The following EFR3A variants were observed in gnomAD, a reference collection of about 807,000 sequenced individuals.
EFR3A encodes EFR3 homolog A, also known as protein EFR3 homolog A.
Under a neutral mutation model 104.4 loss-of-function variants are expected in EFR3A, and 76 were observed. That is an observed-to-expected ratio of 0.73 (90% CI 0.60 to 0.88). The LOEUF is 0.88. Ranked by LOEUF, EFR3A falls within the 40% of genes least tolerant of loss-of-function variation. The pLI, the probability that EFR3A is intolerant of heterozygous loss-of-function variation, is 0.00. For missense variants in EFR3A, 985 were observed against 1,012.5 expected, an observed-to-expected ratio of 0.97 and a Z score of 0.37; for synonymous variants, 330 against 330.0, an observed-to-expected ratio of 1.00 and a Z score of 0.00.
chr8:131,953,988 G>C (rs767683861), intron 6 of EFR3A, 21 bp downstream of exon 6: 2 of 1,508,744 alleles, frequency 1.3e-6, no homozygotes, highest in East Asian at 4.9e-5. Flanking sequence ...AAATATTAGT[G>C]TTGAGACAGT....
intron 1 of EFR3A, among the ~76,000 whole-genome samples, chr8:131,908,262 G>A (rs926004735): frequency 3.3e-5 from 5 of 151,874 alleles, no homozygotes; most frequent in Non-Finnish European, 5.9e-5. Flanking sequence ...GGATTTCACC[G>A]TGTTAGCCAG....
At chr8:131,968,092 C>T (rs1819852415) in intron 8 of EFR3A, among the ~76,000 whole-genome samples, 1 of 151,828 alleles carries the variant, frequency 6.6e-6, no homozygotes, top group Non-Finnish European at 1.5e-5. Context: ...TGCTTTTTTT[C>T]ACTCAGAGTG....
At chr8:132,004,447 C>T (rs1318519028) in intron 22 of EFR3A, among the ~76,000 whole-genome samples, 1 of 152,152 alleles carries the variant, frequency 6.6e-6, no homozygotes, top group Non-Finnish European at 1.5e-5. Context: ...GTTGCATGCG[C>T]CTTATGGGAA....
chr8:131,909,482 G>A (rs149850373), intron 1 of EFR3A, among the ~76,000 whole-genome samples: 3,003 of 152,176 alleles, frequency 0.02, 46 homozygotes, highest in South Asian at 0.042. Flanking sequence ...GGAGGCTGAG[G>A]CTGCAGTGAG....
chr8:131,917,341 A>G (rs1269474805), intron 1 of EFR3A, among the ~76,000 whole-genome samples: 1 of 152,190 alleles, frequency 6.6e-6, no homozygotes, highest in Non-Finnish European at 1.5e-5. Context: ...GTTTCTCGGC[A>G]TCTACTTGGT....
Position 131,954,678 on chromosome 8 carries a change from ATAAAT to A in EFR3A, c.638+715_638+719del, listed in dbSNP as rs201699071. Among the ~76,000 whole-genome samples the A allele has an allele frequency of 6.5e-4, 98 of 150,172 alleles. No individual in the cohort carries two copies. The East Asian group carries it at 0.015, about 23-fold the overall frequency. Reference sequence around the variant, plus strand: ...ATATTTTAAATATTTAATATAAATAATAAATTAATATTTCAGAAGCAGTATTCTCC... The same window carrying A: ...ATATTTTAAATATTTAATATAAATAATAATATTTCAGAAGCAGTATTCTCC... On this transcript the variant is annotated intron_variant, in intron 6 of 22. Coordinates refer to ENST00000254624, the MANE Select transcript of EFR3A (RefSeq NM_015137.6).
At chr8:131,941,212 A>AT (rs1451181378) in intron 2 of EFR3A, among the ~76,000 whole-genome samples, 13 of 152,032 alleles carry the variant, frequency 8.6e-5, no homozygotes, top group Admixed American at 7.9e-4. Flanking sequence ...ATACTATTTA[A>AT]TTTTTGTATA....
At chr8:132,006,110 T>A (rs1210433560) in intron 22 of EFR3A, among the ~76,000 whole-genome samples, 1 of 152,194 alleles carries the variant, frequency 6.6e-6, no homozygotes, top group Admixed American at 6.5e-5. Flanking sequence ...AGCAATTTTA[T>A]ATCTTTAGAT....
In EFR3A at chr8:131,904,296, G is replaced by A; in HGVS notation, c.-17G>A. Reference sequence around the variant, plus strand: ...CCGCTGAGCCTCGGTGCGGCGGCGAGCGCGGTCGAGATCGCCATGCCTACC... The same window carrying A: ...CCGCTGAGCCTCGGTGCGGCGGCGAACGCGGTCGAGATCGCCATGCCTACC... On this transcript the variant is annotated 5_prime_UTR_variant, in exon 1 of 23. Transcript: ENST00000254624. 1 of 1,267,772 alleles carries A rather than the reference G, an allele frequency of 7.9e-7. No individual in the cohort carries two copies. Among genetic ancestry groups the A allele is most frequent in the South Asian group, 2.7e-5 (1 of 36,496 alleles). 78.5% of individuals were successfully genotyped at this position (1,267,772 alleles called of 1,614,324 possible).
chr8:131,991,767 A>C (rs78632849), intron 18 of EFR3A, among the ~76,000 whole-genome samples: 3,195 of 152,252 alleles, frequency 0.021, 54 homozygotes, highest in Middle Eastern at 0.044. Context: ...GAAAGTCTCA[A>C]GAAAGTGAAA....
chr8:131,904,104 C>A lies in EFR3A; in HGVS notation c.-209C>A, dbSNP rs1407623384. ...AACGGGCGTGGGTCGTCCGTCGCGC[C>A]GCCCGGCGAGGAGTGGGCTGGCGGC... is the stretch of plus-strand genomic sequence containing the variant. On this transcript the variant is annotated 5_prime_UTR_variant, in exon 1 of 23. Transcript: ENST00000254624. 1.0e-5 allele frequency: 5 copies of A among 482,732 alleles called. No homozygotes were observed. In the Admixed American group the frequency reaches 1.4e-4, roughly 13 times the overall value. 29.9% of individuals were successfully genotyped at this position (482,732 alleles called of 1,614,324 possible).
At chr8:131,929,487 T>G (rs1316472025) in intron 1 of EFR3A, among the ~76,000 whole-genome samples, 1 of 152,168 alleles carries the variant, frequency 6.6e-6, no homozygotes, top group African/African-American at 2.4e-5. Flanking sequence ...TAGTCATTAC[T>G]TCTTGCAGAA....
chr8:131,929,398 A>G (rs1041699207), intron 1 of EFR3A, among the ~76,000 whole-genome samples: 2 of 152,168 alleles, frequency 1.3e-5, no homozygotes, highest in Non-Finnish European at 2.9e-5. Flanking sequence ...AAGAGCCTTA[A>G]TAGATGTGGC....
At chr8:131,908,165 G>A (rs7826290) in intron 1 of EFR3A, among the ~76,000 whole-genome samples, 66,382 of 151,578 alleles carry the variant, frequency 0.44, 14,692 homozygotes, top group East Asian at 0.61. Flanking sequence ...GGTTCAAGCA[G>A]TTCTCCTGTC....
At chr8:131,931,069 A>G (rs906713561) in intron 1 of EFR3A, among the ~76,000 whole-genome samples, 5 of 152,116 alleles carry the variant, frequency 3.3e-5, no homozygotes, top group African/African-American at 1.2e-4. Context: ...CATGAGGGCC[A>G]TGGTGGGAGG....
At chr8:132,002,736 G>C in intron 21 of EFR3A, 30 bp downstream of exon 21, 1 of 1,563,440 alleles carries the variant, frequency 6.4e-7, no homozygotes, top group Non-Finnish European at 8.8e-7. Context: ...AGGGCTTGTG[G>C]GTGGACTGTT....
At chr8:131,955,321 A>T (rs1247755056) in intron 6 of EFR3A, among the ~76,000 whole-genome samples, 1 of 152,166 alleles carries the variant, frequency 6.6e-6, no homozygotes. Flanking sequence ...GAAGACAGCT[A>T]CGTATACAGA....
rs376249711 is a variant in EFR3A, at chr8:131,953,891, A to G, written c.562A>G (p.Ile188Val). 4.4e-6 allele frequency: 7 copies of G among 1,576,498 alleles called. No homozygotes were observed. The highest frequency in any genetic ancestry group is 6.0e-6 in the Non-Finnish European group (7 of 1,159,360). Residue 188 changes from isoleucine (I) to valine (V), a missense_variant, in exon 6 of 23, where the codon ATT becomes GTT. By Grantham distance (29) the Ile-to-Val change is conservative. Transcript: ENST00000254624. ...KTVNDELRAT[I>V]WEPQHMDKIV... is the part of the protein sequence containing the mutation. ...AGTCAACGATGAACTTCGGGCCACC[A>G]TTTGGGAACCTCAGCATATGGATAA...
intron 5 of EFR3A, among the ~76,000 whole-genome samples, chr8:131,952,758 GT>G (rs796416602): frequency 6.6e-5 from 10 of 152,134 alleles, no homozygotes; most frequent in African/African-American, 2.4e-4. Context: ...TTTCTCACCT[GT>G]TCAGTATCAT....
Sources: allele counts gnomAD v4.1 joint callset (sites outside exome capture counted in the v4.1 genomes callset), GRCh38; gene constraint gnomAD v4.1.1; transcripts MANE v1.5; gene names NCBI Gene and HGNC (gene_info 2026-07-23, HGNC 2026-07-21).